The following TRPS1 variants were observed in gnomAD, a reference collection of about 807,000 sequenced individuals.
The protein encoded by TRPS1 is transcriptional repressor GATA binding 1, also known as zinc finger transcription factor Trps1.
Under a neutral mutation model 101.2 loss-of-function variants are expected in TRPS1, and 6 were observed. The ratio of observed to expected loss-of-function variants is 0.06; its 90% CI spans 0.03 to 0.12. The LOEUF (loss-of-function observed/expected upper bound fraction) is 0.12, where lower values mean the gene tolerates loss of function less well. Ranked by LOEUF, TRPS1 falls within the 10% of genes least tolerant of loss-of-function variation. TRPS1 has a pLI of 1.00. For synonymous variants in TRPS1, 578 were observed against 589.8 expected (o/e 0.98, Z 0.29); for missense variants, 1,363 against 1,567.0 (o/e 0.87, Z 2.20).
At position 115,614,082 on chromosome 8, in the gene TRPS1, TC is replaced by T. The variant is rs3837178; in HGVS notation, c.966+5049del. 1.1e-4 allele frequency among the ~76,000 whole-genome samples: 17 copies of T among 152,224 alleles called. No individual in the cohort carries two copies. In the South Asian group the frequency reaches 1.7e-3, roughly 15 times the overall value. ...AGAACAACTTTCTCTCTCCAAACTT[TC>T]CCCGTATTGGCACACTACTTGTATA... On this transcript the variant is annotated intron_variant, in intron 3 of 6. Coordinates refer to ENST00000395715, the MANE Select transcript of TRPS1 (RefSeq NM_014112.5).
At chr8:115,503,583 C>T (rs1321475216) in intron 5 of TRPS1, among the ~76,000 whole-genome samples, 3 of 152,138 alleles carry the variant, frequency 2.0e-5, no homozygotes, top group Non-Finnish European at 4.4e-5. Flanking sequence ...CAATAAAATT[C>T]TGTTTTATCT....
intron 5 of TRPS1, among the ~76,000 whole-genome samples, chr8:115,432,707 T>G (rs1813351864): frequency 6.6e-6 from 1 of 151,914 alleles, no homozygotes; most frequent in Non-Finnish European, 1.5e-5. Context: ...GTCAATCTAG[T>G]GCAGGATAAA....
chr8:115,424,291 A>T (rs1813138345), intron 5 of TRPS1, among the ~76,000 whole-genome samples: 1 of 152,232 alleles, frequency 6.6e-6, no homozygotes, highest in Non-Finnish European at 1.5e-5. Context: ...TGATTATATC[A>T]AAAAGTCTTT....
intron 5 of TRPS1, among the ~76,000 whole-genome samples, chr8:115,437,769 T>C (rs1029104241): frequency 5.7e-4 from 87 of 152,242 alleles, no homozygotes; most frequent in African/African-American, 2.0e-3. Context: ...TTGTAAATAT[T>C]AAATTTACTA....
chr8:115,580,128 T>C (rs6469601), intron 5 of TRPS1, among the ~76,000 whole-genome samples: 44,087 of 151,280 alleles, frequency 0.29, 7,576 homozygotes, highest in Middle Eastern at 0.5. Context: ...AGTACCTAGC[T>C]TGCCAAGCTT....
chr8:115,642,259 T>TAC (rs1586487140), intron 1 of TRPS1, among the ~76,000 whole-genome samples: 6 of 146,956 alleles, frequency 4.1e-5, no homozygotes, highest in African/African-American at 1.3e-4. Context: ...TATATATATA[T>TAC]ATACACACAT....
At chr8:115,449,576 A>C (rs1263611355) in intron 5 of TRPS1, among the ~76,000 whole-genome samples, 2 of 152,260 alleles carry the variant, frequency 1.3e-5, no homozygotes, top group Non-Finnish European at 2.9e-5. Flanking sequence ...TTCTGACAGC[A>C]GAAAGCTGCT....
chr8:115,510,420 T>C (rs1259014729), intron 5 of TRPS1, among the ~76,000 whole-genome samples: 1 of 151,978 alleles, frequency 6.6e-6, no homozygotes, highest in Non-Finnish European at 1.5e-5. Flanking sequence ...GTCATCCTTC[T>C]ATAATTCAGG....
At chr8:115,455,853 C>T (rs894292688) in intron 5 of TRPS1, among the ~76,000 whole-genome samples, 13 of 142,146 alleles carry the variant, frequency 9.1e-5, no homozygotes, top group African/African-American at 1.3e-4. Context: ...GGTGTGATCT[C>T]AGCTCACTGC....
At chr8:115,464,611 A>T (rs145498081) in intron 5 of TRPS1, among the ~76,000 whole-genome samples, 30 of 152,270 alleles carry the variant, frequency 2.0e-4, no homozygotes, top group African/African-American at 6.5e-4. Flanking sequence ...TATGTGACAA[A>T]ACTGAATAAA....
At chr8:115,510,572 C>T (rs775110187) in intron 5 of TRPS1, among the ~76,000 whole-genome samples, 7 of 152,036 alleles carry the variant, frequency 4.6e-5, no homozygotes, top group African/African-American at 9.6e-5. Context: ...GTTTCTCAAT[C>T]GTCAATTTCT....
intron 5 of TRPS1, chr8:115,511,179 C>A (rs1400193580): frequency 6.6e-6 from 1 of 151,790 alleles, no homozygotes; most frequent in Non-Finnish European, 1.5e-5. Context: ...GGACTTTTGT[C>A]TCTTTTAATG....
At chr8:115,467,914 A>T (rs931801258) in intron 5 of TRPS1, among the ~76,000 whole-genome samples, 22 of 152,144 alleles carry the variant, frequency 1.4e-4, no homozygotes, top group African/African-American at 5.3e-4. Flanking sequence ...CACAACAGAG[A>T]TGTTACCCAA....
intron 1 of TRPS1, among the ~76,000 whole-genome samples, chr8:115,624,144 T>C (rs929330257): frequency 2.3e-5 from 2 of 88,562 alleles, no homozygotes; most frequent in South Asian, 3.8e-4. Flanking sequence ...AAATACGTAA[T>C]CACAACAATG....
chr8:115,431,774 C>T (rs927653358), intron 5 of TRPS1, among the ~76,000 whole-genome samples: 2 of 151,776 alleles, frequency 1.3e-5, no homozygotes, highest in African/African-American at 4.8e-5. Context: ...TATTTGATTC[C>T]TAGATTATAA....
chr8:115,564,850 A>C (rs1817030084), intron 5 of TRPS1, among the ~76,000 whole-genome samples: 2 of 152,006 alleles, frequency 1.3e-5, no homozygotes, highest in African/African-American at 4.8e-5. Context: ...CACCATCCAC[A>C]CTCATGGTAT....
intron 5 of TRPS1, among the ~76,000 whole-genome samples, chr8:115,505,739 A>C (rs942636886): frequency 2.6e-5 from 4 of 152,130 alleles, no homozygotes; most frequent in African/African-American, 9.6e-5. Flanking sequence ...AGCATTTGGC[A>C]CAAACTCATG....
intron 5 of TRPS1, among the ~76,000 whole-genome samples, chr8:115,581,524 T>C (rs1048502520): frequency 6.6e-6 from 1 of 152,090 alleles, no homozygotes; most frequent in African/African-American, 2.4e-5. Flanking sequence ...TGTACAATTA[T>C]TGTGTGTGCA....
intron 5 of TRPS1, among the ~76,000 whole-genome samples, chr8:115,563,535 C>T (rs1300001062): frequency 2.0e-5 from 3 of 152,088 alleles, no homozygotes; most frequent in African/African-American, 4.8e-5. Flanking sequence ...TGTTTCATTT[C>T]CTCTCATGCA....
Sources: gnomAD v4.1 joint callset for allele counts (sites outside exome capture counted in the v4.1 genomes callset) on GRCh38, gnomAD v4.1.1 for gene constraint, MANE v1.5 for transcripts, NCBI Gene and HGNC (gene_info 2026-07-23, HGNC 2026-07-21) for gene names.